GPC3: variants seen among roughly 807,000 people sequenced by gnomAD.
The protein encoded by GPC3 is glypican 3.
A neutral mutation model predicts 34.4 loss-of-function variants in GPC3; 3 were observed. That is an observed-to-expected ratio of 0.09 (90% CI 0.04 to 0.23). The LOEUF (loss-of-function observed/expected upper bound fraction) is 0.23, where lower values mean the gene tolerates loss of function less well. Among genes scored for constraint, GPC3 ranks in the 10% least tolerant of loss-of-function variants. The pLI is 1.00. For missense variants in GPC3, 351 were observed against 445.6 expected (o/e 0.79, Z 1.91); for synonymous variants, 177 against 174.0 (o/e 1.02, Z -0.13).
chrX:133,569,769 T>C (rs1405786570), intron 7 of GPC3, among the ~76,000 whole-genome samples: 1 of 112,391 alleles, frequency 8.9e-6, no homozygotes, highest in Non-Finnish European at 1.9e-5. Flanking sequence ...ATACAAACCG[T>C]AAGCTCTTAA....
At chrX:133,728,258 G>T (rs932535688) in intron 3 of GPC3, among the ~76,000 whole-genome samples, 2 of 111,695 alleles carry the variant, frequency 1.8e-5, no homozygotes, top group Admixed American at 9.5e-5. Context: ...TTGGCCTCTG[G>T]AGACAAAACA....
chrX:133,553,823 G>A (rs2069459353), intron 7 of GPC3, among the ~76,000 whole-genome samples: 3 of 111,779 alleles, frequency 2.7e-5, no homozygotes, highest in Admixed American at 9.5e-5. Flanking sequence ...TTCAAGCACA[G>A]AATTCAATAA....
At chrX:133,784,562 C>T (rs770528634) in intron 2 of GPC3, among the ~76,000 whole-genome samples, 1 of 111,886 alleles carries the variant, frequency 8.9e-6, no homozygotes, top group South Asian at 3.8e-4. Flanking sequence ...CACTGTGAAC[C>T]CCCAAGGACA....
rs774683052 is a variant in GPC3, at chrX:133,814,317, G to C, written c.338-60141C>G. 8.1e-5 allele frequency among the ~76,000 whole-genome samples: 9 copies of C among 111,152 alleles called. No individual in the cohort carries two copies. The South Asian group carries it at 3.5e-3, about 44-fold the overall frequency. On this transcript the variant is annotated intron_variant, in intron 2 of 7. Transcript: ENST00000370818. ...TACTCAGTTTTCCCTTTTCTCTGAA[G>C]CACACATACTTTGCGGGGCTCCTTG... is the stretch of plus-strand genomic sequence containing the variant.
At chrX:133,762,455 G>A (rs919782473) in intron 2 of GPC3, among the ~76,000 whole-genome samples, 5 of 111,886 alleles carry the variant, frequency 4.5e-5, no homozygotes, top group Middle Eastern at 4.6e-3. Context: ...GAAAATATTC[G>A]CAAACTATGC....
At chrX:133,614,470 A>G (rs939527107) in intron 6 of GPC3, among the ~76,000 whole-genome samples, 3 of 94,622 alleles carry the variant, frequency 3.2e-5, no homozygotes, top group Non-Finnish European at 5.9e-5. Flanking sequence ...ACACTGAAAG[A>G]AAAAAAAAAA....
intron 2 of GPC3, chrX:133,763,554 G>A (rs1569427950): frequency 1.8e-6 from 1 of 561,435 alleles, no homozygotes; most frequent in East Asian, 3.3e-5. Context: ...AAGGCGTGCA[G>A]GTGCCCTCTG....
At chrX:133,640,540 C>T (rs1183775701) in intron 6 of GPC3, among the ~76,000 whole-genome samples, 3 of 112,309 alleles carry the variant, frequency 2.7e-5, no homozygotes, top group Non-Finnish European at 5.6e-5. Context: ...CAGCCTCTGC[C>T]GAAGGCCCCC....
At chrX:133,759,215 T>C (rs1475707845) in intron 2 of GPC3, among the ~76,000 whole-genome samples, 1 of 111,964 alleles carries the variant, frequency 8.9e-6, no homozygotes, top group Non-Finnish European at 1.9e-5. Flanking sequence ...ATCTATAAAT[T>C]CAATGAATCC....
At chrX:133,576,043 G>T (rs1285602097) in intron 7 of GPC3, among the ~76,000 whole-genome samples, 1 of 111,904 alleles carries the variant, frequency 8.9e-6, no homozygotes, top group Non-Finnish European at 1.9e-5. Flanking sequence ...AACTCTTCTT[G>T]CTCAGGCTAT....
rs914703849 is a variant in GPC3, at chrX:133,583,359, T to C, written c.1573+13081A>G. 9.9e-5 allele frequency among the ~76,000 whole-genome samples: 11 copies of C among 111,665 alleles called. No individual in the cohort carries two copies. The Admixed American group carries it at 1.0e-3, about 11-fold the overall frequency. On this transcript the variant is annotated intron_variant, in intron 7 of 7. Transcript: ENST00000370818. ...CATCCAGCCAATATTTCTTACTCTC[T>C]TTTTTTATTATTTTTATTTTTTTGA...
At chrX:133,935,435 A>C (rs1213038790) in intron 2 of GPC3, among the ~76,000 whole-genome samples, 2 of 111,166 alleles carry the variant, frequency 1.8e-5, no homozygotes, top group Non-Finnish European at 3.8e-5. Flanking sequence ...CAGGACAGCT[A>C]TATTTTAAAT....
chrX:133,581,379 G>A (rs1450189686), intron 7 of GPC3, among the ~76,000 whole-genome samples: 1 of 111,948 alleles, frequency 8.9e-6, no homozygotes, highest in African/African-American at 3.2e-5. Context: ...GGTAGCAAGA[G>A]CTATTGATTT....
chrX:133,724,098 T>C (rs1453576278), intron 3 of GPC3, among the ~76,000 whole-genome samples: 1 of 112,132 alleles, frequency 8.9e-6, no homozygotes, highest in Non-Finnish European at 1.9e-5. Context: ...TGAGGTAAGA[T>C]ATCATGCCTA....
intron 3 of GPC3, among the ~76,000 whole-genome samples, chrX:133,705,696 C>T (rs936946132): frequency 1.8e-5 from 2 of 112,189 alleles, no homozygotes; most frequent in Non-Finnish European, 3.8e-5. Flanking sequence ...TGACCCAGGT[C>T]TGTGGTTATG....
intron 7 of GPC3, among the ~76,000 whole-genome samples, chrX:133,541,594 CCT>C (rs778326311): frequency 2.0e-4 from 22 of 112,157 alleles, no homozygotes; most frequent in Non-Finnish European, 3.8e-4. Context: ...ACATTCAGCC[CCT>C]GACTCTCATT....
At chrX:133,866,780 C>A (rs2075969455) in intron 2 of GPC3, among the ~76,000 whole-genome samples, 1 of 111,038 alleles carries the variant, frequency 9.0e-6, no homozygotes, top group South Asian at 3.9e-4. Context: ...TCTAGTCAAT[C>A]ATCAAGACTA....
At chrX:133,663,541 G>T (rs968304239) in intron 5 of GPC3, among the ~76,000 whole-genome samples, 1 of 111,292 alleles carries the variant, frequency 9.0e-6, no homozygotes, top group Non-Finnish European at 1.9e-5. Context: ...CATGAGCCAC[G>T]GTGCCCAGCA....
At chrX:133,682,625 T>C (rs748208192) in intron 5 of GPC3, among the ~76,000 whole-genome samples, 2 of 111,856 alleles carry the variant, frequency 1.8e-5, no homozygotes, top group Non-Finnish European at 3.8e-5. Context: ...AATGTCATAT[T>C]AAATGTCCTG....
Sources: allele counts gnomAD v4.1 joint callset (sites outside exome capture counted in the v4.1 genomes callset), GRCh38; gene constraint gnomAD v4.1.1; transcripts MANE v1.5; gene names NCBI Gene and HGNC (gene_info 2026-07-23, HGNC 2026-07-21).